C12orf76: variants seen among roughly 807,000 people sequenced by gnomAD.
C12orf76 encodes the protein uncharacterized protein C12orf76.
A neutral mutation model predicts 6.8 loss-of-function variants in C12orf76; 6 were observed. The observed-to-expected ratio is 0.88, with a 90% CI of 0.48 to 1.73. C12orf76 has a LOEUF of 1.73. Ranked by LOEUF, C12orf76 falls within the 40% of genes most tolerant of loss-of-function variation. C12orf76 has a pLI of 0.01. For synonymous variants in C12orf76, 56 were observed against 43.7 expected (o/e 1.28, Z -1.11); for missense variants, 99 against 98.2 (o/e 1.01, Z -0.03).
At chr12:110,071,456 C>T (rs1362098797), upstream of C12orf76, among the ~76,000 whole-genome samples, 1 of 151,628 alleles carries the variant, frequency 6.6e-6, no homozygotes, top group African/African-American at 2.4e-5. Context: ...AAATGGATTC[C>T]AGTTATGGAG....
intron 1 of C12orf76, chr12:110,045,932 T>A (rs775437951): frequency 4.6e-6 from 1 of 215,364 alleles, no homozygotes; most frequent in African/African-American, 2.3e-5. Flanking sequence ...GCACTCCAGA[T>A]TGGGCAACAG....
chr12:110,063,700 T>TC (rs1280737795), intron 2 of C12orf76, among the ~76,000 whole-genome samples: 2 of 151,650 alleles, frequency 1.3e-5, no homozygotes, highest in East Asian at 3.9e-4. Flanking sequence ...TGATCTCAGC[T>TC]CACTGCAATG....
chr12:110,057,184 C>T, intron 4 of C12orf76: 1 of 1,604,478 alleles, frequency 6.2e-7, no homozygotes. Context: ...CTTTCGCAGA[C>T]TTACCTTGGC....
chr12:110,069,835 T>A (rs1275873522), upstream of C12orf76, among the ~76,000 whole-genome samples: 1 of 152,212 alleles, frequency 6.6e-6, no homozygotes, highest in East Asian at 1.9e-4. Flanking sequence ...ATGGAACATG[T>A]ATAACTGAAT....
intron 1 of C12orf76, chr12:110,044,088 G>A (rs1288639871): frequency 1.3e-5 from 2 of 151,736 alleles, no homozygotes; most frequent in Non-Finnish European, 2.9e-5. Flanking sequence ...TTCAACAGCA[G>A]CAGTGATACG....
chr12:110,065,418 G>A (rs1384785454), intron 2 of C12orf76, among the ~76,000 whole-genome samples: 20 of 151,966 alleles, frequency 1.3e-4, no homozygotes, highest in African/African-American at 3.6e-4. Flanking sequence ...TGATCTGCCC[G>A]CCTTGGCCTC....
intron 1 of C12orf76, among the ~76,000 whole-genome samples, chr12:110,047,673 A>C (rs1198537486): frequency 1.3e-5 from 2 of 152,052 alleles, no homozygotes; most frequent in African/African-American, 4.8e-5. Flanking sequence ...GACAGAGGAG[A>C]CACTATTGTA....
upstream of C12orf76, among the ~76,000 whole-genome samples, chr12:110,068,246 G>GAAAGAAGAAGAAGAAGAAGAAGA (rs1566079961): frequency 2.9e-4 from 29 of 99,174 alleles, no homozygotes; most frequent in African/African-American, 1.1e-3. Flanking sequence ...AGAAGAAGAA[G>GAAAGAAGAAGAAGAAGAAGAAGA]AAAGAAGAAG....
chr12:110,060,906 G>T (rs376204561), intron 2 of C12orf76, among the ~76,000 whole-genome samples: 2 of 151,896 alleles, frequency 1.3e-5, no homozygotes. Context: ...GTGGTGGCGG[G>T]CACCTGTAAT....
At chr12:110,061,967 A>G (rs1015040308) in intron 2 of C12orf76, among the ~76,000 whole-genome samples, 4 of 151,962 alleles carry the variant, frequency 2.6e-5, no homozygotes, top group African/African-American at 9.7e-5. Context: ...TTCTTCTGTA[A>G]TAAGAGGATA....
intron 2 of C12orf76, chr12:110,059,312 G>A: frequency 4.0e-6 from 4 of 1,007,464 alleles, no homozygotes; most frequent in Non-Finnish European, 5.6e-6. Flanking sequence ...TGCCATCTGT[G>A]ATTAAAGATA....
At chr12:110,050,822 C>T (rs1483731563), upstream of C12orf76, 3 of 589,464 alleles carry the variant, frequency 5.1e-6, no homozygotes, top group Admixed American at 3.0e-5. Context: ...GCACTGTGGA[C>T]TTGCCCTAAT....
At chr12:110,047,701 T>G (rs1046828530) in intron 1 of C12orf76, among the ~76,000 whole-genome samples, 2 of 152,086 alleles carry the variant, frequency 1.3e-5, no homozygotes, top group South Asian at 2.1e-4. Context: ...AAAAAAGGGC[T>G]GCAAACCGTA....
chr12:110,045,543 G>A (rs1397245046), intron 1 of C12orf76, among the ~76,000 whole-genome samples: 3 of 151,858 alleles, frequency 2.0e-5, no homozygotes, highest in African/African-American at 4.8e-5. Flanking sequence ...CCAAGATCGC[G>A]CCACTGCACT....
Position 110,041,810 on chromosome 12 carries a change from G to C in C12orf76, c.*564C>G. The C allele has an allele frequency of 6.4e-6, 1 of 156,230 alleles. No homozygotes were observed. Among genetic ancestry groups the C allele is most frequent in the Non-Finnish European group, 1.4e-5 (1 of 70,328 alleles). 9.7% of individuals were successfully genotyped at this position (156,230 alleles called of 1,614,324 possible). A position where few individuals can be genotyped will look rare whatever the true frequency, so the allele number is the denominator to read the frequency against. On this transcript the variant is annotated 3_prime_UTR_variant, in exon 2 of 2. Transcript: ENST00000615315. ...TCTACCTGATGTGACCCTGACTTCA[G>C]GGGGAGCACCTGAGTGCAGGGCAGG...
At chr12:110,046,506 T>C (rs2137217557) in intron 1 of C12orf76, among the ~76,000 whole-genome samples, 1 of 152,332 alleles carries the variant, frequency 6.6e-6, no homozygotes, top group East Asian at 1.9e-4. Context: ...GGAGTAGTTT[T>C]TATAATTTCT....
upstream of C12orf76, chr12:110,049,383 C>A (rs1457175671): frequency 6.6e-5 from 10 of 152,466 alleles, no homozygotes; most frequent in Admixed American, 6.5e-4. Context: ...GTTTATTTCA[C>A]CTGGGTGCAG....
At position 110,067,448 on chromosome 12, in the gene C12orf76, T is replaced by G. The variant is rs546031250; in HGVS notation, n.206+42A>C. 7.2e-5 allele frequency: 71 copies of G among 985,452 alleles called. No individual in the cohort carries two copies. The East Asian group carries it at 6.5e-3, about 90-fold the overall frequency. The allele number at this position is 985,452 out of a possible 1,614,324, so 61.0% of individuals were successfully genotyped here. A position where few individuals can be genotyped will look rare whatever the true frequency, so the allele number is the denominator to read the frequency against. ...AGAAATCCCTGGAATTTCTGGCTTT[T>G]GGGAAGACCTTGTAACAGATCACTG... On this transcript the variant is annotated intron_variant and non_coding_transcript_variant, in intron 1 of 4. Transcript: ENST00000309050.
intron 2 of C12orf76, among the ~76,000 whole-genome samples, chr12:110,064,237 T>C (rs1236513339): frequency 6.6e-6 from 1 of 152,222 alleles, no homozygotes; most frequent in East Asian, 1.9e-4. Context: ...GCATCCCATG[T>C]GATTCCTTGT....
Sources: allele counts gnomAD v4.1 joint callset (sites outside exome capture counted in the v4.1 genomes callset), GRCh38; gene constraint gnomAD v4.1.1; transcripts MANE v1.5; gene names NCBI Gene and HGNC (gene_info 2026-07-23, HGNC 2026-07-21).